Variants in ARFGEF1 observed in about 807,000 individuals in gnomAD.
ARFGEF1 encodes ARF guanine nucleotide exchange factor 1, also known as brefeldin A-inhibited guanine nucleotide-exchange protein 1.
Under a neutral mutation model 231.0 loss-of-function variants are expected in ARFGEF1, and 42 were observed. That is an observed-to-expected ratio of 0.18 (90% CI 0.14 to 0.24). The LOEUF is 0.24. Ranked by LOEUF, ARFGEF1 falls within the 10% of genes least tolerant of loss-of-function variation. ARFGEF1 has a pLI of 1.00. For missense variants in ARFGEF1, 1,345 were observed against 2,192.0 expected, an observed-to-expected ratio of 0.61 and a Z score of 7.72; for synonymous variants, 710 against 732.3, an observed-to-expected ratio of 0.97 and a Z score of 0.49.
At chr8:67,239,821 C>A (rs1000999562) in intron 20 of ARFGEF1, among the ~76,000 whole-genome samples, 16 of 152,058 alleles carry the variant, frequency 1.1e-4, no homozygotes, top group African/African-American at 3.9e-4. Flanking sequence ...TATATACAAC[C>A]TTGTATATAA....
intron 4 of ARFGEF1, among the ~76,000 whole-genome samples, chr8:67,298,240 T>C (rs1806324622): frequency 6.6e-6 from 1 of 152,170 alleles, no homozygotes; most frequent in African/African-American, 2.4e-5. Context: ...ATTTCAAAAG[T>C]ACTGTACTAT....
chr8:67,211,640 G>GTT (rs763987756), intron 33 of ARFGEF1, 25 bp from the exon 34 acceptor site: 10 of 1,335,910 alleles, frequency 7.5e-6, no homozygotes, highest in Admixed American at 2.7e-5. Context: ...AAAAATCACT[G>GTT]TAAGTATGGT....
chr8:67,217,940 T>A lies in ARFGEF1; in HGVS notation c.4475-20A>T. ...CATTGTCTAGGAAAGAAAAGAGCAA[T>A]TCATTTATATATTACCAGGGTCACA... On this transcript the variant is annotated intron_variant, in intron 31 of 38. Coordinates refer to ENST00000262215, the MANE Select transcript of ARFGEF1 (RefSeq NM_006421.5). 1 of 1,613,042 alleles carries A rather than the reference T, an allele frequency of 6.2e-7. No homozygotes were observed.
intron 23 of ARFGEF1, among the ~76,000 whole-genome samples, chr8:67,229,941 T>C (rs542857174): frequency 6.6e-5 from 10 of 151,920 alleles, no homozygotes; most frequent in Admixed American, 5.3e-4. Context: ...AGGGAAGCAA[T>C]AGATTCTGAA....
chr8:67,323,601 A>T (rs1162812903), intron 1 of ARFGEF1, among the ~76,000 whole-genome samples: 1 of 152,148 alleles, frequency 6.6e-6, no homozygotes, highest in Non-Finnish European at 1.5e-5. Context: ...AAATCATGTC[A>T]TTAGAAACCT....
At chr8:67,191,892 T>C (rs1836356474) in intron 5 of ARFGEF1, among the ~76,000 whole-genome samples, 1 of 152,212 alleles carries the variant, frequency 6.6e-6, no homozygotes, top group Non-Finnish European at 1.5e-5. Flanking sequence ...GTAATTTCTG[T>C]ATATCCTGGC....
At chr8:67,310,480 C>T (rs1338634383) in intron 1 of ARFGEF1, among the ~76,000 whole-genome samples, 3 of 152,242 alleles carry the variant, frequency 2.0e-5, no homozygotes, top group Non-Finnish European at 1.5e-5. Context: ...GCCTTGGCCT[C>T]CCAAAGTGCC....
At position 67,201,589 on chromosome 8, in the gene ARFGEF1, G is replaced by A; in HGVS notation, c.5145C>T (p.Ser1715=). ...ALWKAGFKGK[S]KPNLLKQETS... is the part of the protein sequence containing the mutation. ...TCTCCTGCTTCAGAAGGTTGGGCTT[G>A]GATTTGCCTTTGAATCCTGCAGAAA... The change falls in exon 37 of 39, where the codon TCC becomes TCT. Residue 1715 remains serine, a synonymous_variant. Transcript: ENST00000262215. 6.2e-7 allele frequency: 1 copy of A among 1,613,282 alleles called. No homozygotes were observed. Among genetic ancestry groups the A allele is most frequent in the South Asian group, 1.1e-5 (1 of 90,904 alleles).
intron 19 of ARFGEF1, among the ~76,000 whole-genome samples, chr8:67,247,203 A>G (rs1431555866): frequency 6.7e-6 from 1 of 150,354 alleles, no homozygotes; most frequent in Non-Finnish European, 1.5e-5. Flanking sequence ...AACTATTCTG[A>G]GAAACAGAGT....
chr8:67,323,725 C>A (rs1421117273), intron 1 of ARFGEF1, among the ~76,000 whole-genome samples: 1 of 152,152 alleles, frequency 6.6e-6, no homozygotes, highest in Non-Finnish European at 1.5e-5. Context: ...AGGTTCAAAC[C>A]CTTACTTCTT....
chr8:67,175,739 A>C (rs1831460115), intron 5 of ARFGEF1, among the ~76,000 whole-genome samples: 1 of 152,204 alleles, frequency 6.6e-6, no homozygotes, highest in Admixed American at 6.5e-5. Context: ...CAAAGGAAGG[A>C]GTGTCAGGCA....
intron 29 of ARFGEF1, among the ~76,000 whole-genome samples, chr8:67,221,094 T>C (rs947962672): frequency 2.0e-5 from 3 of 152,202 alleles, no homozygotes; most frequent in African/African-American, 7.2e-5. Flanking sequence ...AGGGCAACAC[T>C]TTACTCACAT....
intron 32 of ARFGEF1, among the ~76,000 whole-genome samples, chr8:67,217,222 T>C (rs1838969078): frequency 6.6e-6 from 1 of 150,418 alleles, no homozygotes; most frequent in African/African-American, 2.5e-5. Context: ...GATAATCACT[T>C]GAACCCAAGA....
intron 9 of ARFGEF1, among the ~76,000 whole-genome samples, chr8:67,272,545 G>A (rs80039074): frequency 0.13 from 19,962 of 152,028 alleles, 2,633 homozygotes; most frequent in African/African-American, 0.34. Flanking sequence ...GAAAAAAATA[G>A]TGTGAAGATA....
In ARFGEF1 at chr8:67,343,291, C is replaced by A; in HGVS notation, c.-4G>T. 1 of 1,612,446 alleles carries A rather than the reference C, an allele frequency of 6.2e-7. No homozygotes were observed. The highest frequency in any genetic ancestry group is 8.5e-7 in the Non-Finnish European group (1 of 1,178,844). On this transcript the variant is annotated 5_prime_UTR_variant, in exon 1 of 39. Coordinates refer to ENST00000262215, the MANE Select transcript of ARFGEF1 (RefSeq NM_006421.5). ...TCGTCTTCTTCCCCTCATACATGGA[C>A]GCAGAGAAGGAGGCGGCGGCTCGTC... is the stretch of plus-strand genomic sequence containing the variant.
chr8:67,202,937 G>T, intron 36 of ARFGEF1, 146 bp downstream of exon 36: 1 of 764,800 alleles, frequency 1.3e-6, no homozygotes, highest in Non-Finnish European at 1.9e-6. Context: ...GCCTCGTTGT[G>T]AGGTTACTTT....
chr8:67,209,567 T>A (rs1193989554), intron 34 of ARFGEF1, among the ~76,000 whole-genome samples: 1 of 152,204 alleles, frequency 6.6e-6, no homozygotes, highest in African/African-American at 2.4e-5. Context: ...TATTGTTATT[T>A]CTGTTATGTA....
At chr8:67,282,011 C>A (rs1205208847) in intron 7 of ARFGEF1, among the ~76,000 whole-genome samples, 2 of 152,040 alleles carry the variant, frequency 1.3e-5, no homozygotes, top group Non-Finnish European at 2.9e-5. Flanking sequence ...TTTATAAGCA[C>A]ATTACAATTT....
chr8:67,316,890 T>C (rs529484599), intron 1 of ARFGEF1, among the ~76,000 whole-genome samples: 1 of 152,286 alleles, frequency 6.6e-6, no homozygotes, highest in South Asian at 2.1e-4. Context: ...AGTTTCAGGA[T>C]AGGGATTAGT....
Sources: gnomAD v4.1 joint callset for allele counts (sites outside exome capture counted in the v4.1 genomes callset) on GRCh38, gnomAD v4.1.1 for gene constraint, MANE v1.5 for transcripts, NCBI Gene and HGNC (gene_info 2026-07-23, HGNC 2026-07-21) for gene names.